RNASEH2B: variants seen among roughly 807,000 people sequenced by gnomAD.
The protein encoded by RNASEH2B is Aicardi-Goutieres syndrome 2 protein.
Under a neutral mutation model 45.0 loss-of-function variants are expected in RNASEH2B, and 36 were observed. That is an observed-to-expected ratio of 0.80 (90% CI 0.61 to 1.06). The LOEUF (loss-of-function observed/expected upper bound fraction) is 1.06. RNASEH2B is among the 50% of genes least tolerant of loss of function. The pLI is 0.00. For synonymous variants in RNASEH2B, 119 were observed against 125.7 expected, an observed-to-expected ratio of 0.95 and a Z score of 0.35; for missense variants, 361 against 360.3, an observed-to-expected ratio of 1.00 and a Z score of -0.02.
At chr13:50,960,791 G>T (rs1450549254), downstream of RNASEH2B, among the ~76,000 whole-genome samples, 1 of 152,146 alleles carries the variant, frequency 6.6e-6, no homozygotes, top group African/African-American at 2.4e-5. Flanking sequence ...GTTAGAATTA[G>T]GCTAGCTTTC....
intron 1 of RNASEH2B, among the ~76,000 whole-genome samples, chr13:50,925,605 T>G (rs1951584504): frequency 6.6e-6 from 1 of 152,232 alleles, no homozygotes; most frequent in Non-Finnish European, 1.5e-5. Context: ...GTACTATGCC[T>G]AAAGCTCCAT....
At chr13:50,929,648 G>C in intron 3 of RNASEH2B, 66 bp downstream of exon 3, 1 of 1,003,474 alleles carries the variant, frequency 1.0e-6, no homozygotes. Context: ...TTCTTCACAC[G>C]TGGGGTTGTG....
chr13:50,932,746 ACT>A (rs1951696025), intron 4 of RNASEH2B, among the ~76,000 whole-genome samples: 2 of 152,090 alleles, frequency 1.3e-5, no homozygotes, highest in East Asian at 3.9e-4. Context: ...GTTTTTTTGG[ACT>A]CTCATGTTTG....
intron 1 of RNASEH2B, chr13:50,927,204 A>C: frequency 4.1e-6 from 2 of 488,776 alleles, no homozygotes; most frequent in Non-Finnish European, 7.5e-6. Context: ...TCCTCATAGC[A>C]ATACATTTAA....
At position 50,945,855 on chromosome 13, in the gene RNASEH2B, G is replaced by T. The variant is rs113176383; in HGVS notation, c.616+323G>T. Among the ~76,000 whole-genome samples the T allele has an allele frequency of 2.8e-3, 428 of 152,250 alleles. 4 individuals carry two copies. The highest frequency in any genetic ancestry group is 9.1e-3 in the African/African-American group (376 of 41,546). ...TGCTAAGTTGCCACTATACAAACATGATCTCATCCAACCCTCCCAGTAAAT... is the reference window on the plus strand; with the variant it reads ...TGCTAAGTTGCCACTATACAAACATTATCTCATCCAACCCTCCCAGTAAAT... On this transcript the variant is annotated intron_variant, in intron 7 of 10. Coordinates refer to ENST00000336617, the MANE Select transcript of RNASEH2B (RefSeq NM_024570.4).
At chr13:50,930,592 C>A (rs1288928142) in intron 3 of RNASEH2B, 91 bp from the exon 4 acceptor site, 1 of 933,680 alleles carries the variant, frequency 1.1e-6, no homozygotes, top group East Asian at 2.4e-5. Context: ...ATATATTTTT[C>A]AACACTGTTT....
rs1951948966 is a variant in RNASEH2B, at chr13:50,949,448, T to TTTTAAC, written c.699-11_699-6dup. On this transcript the variant is annotated splice_polypyrimidine_tract_variant and intron_variant, in intron 8 of 10. Coordinates refer to ENST00000336617, the MANE Select transcript of RNASEH2B (RefSeq NM_024570.4). ...GAAAAACGATGACTTTGATTGTTAT[T>TTTTAAC]TTTAACTTTCTTAGGCTTCCAGAAC... 2 of 1,612,822 alleles carry TTTTAAC rather than the reference T, an allele frequency of 1.2e-6. No individual in the cohort carries two copies. The highest frequency in any genetic ancestry group is 2.2e-5 in the East Asian group (1 of 44,828).
chr13:50,959,941 G>A (rs1315450526), downstream of RNASEH2B: 2 of 315,218 alleles, frequency 6.3e-6, no homozygotes, highest in Non-Finnish European at 1.1e-5. Context: ...TTTGTTAGAT[G>A]CATAACTTAC....
At chr13:50,924,264 C>G (rs1951560976) in intron 1 of RNASEH2B, among the ~76,000 whole-genome samples, 2 of 151,966 alleles carry the variant, frequency 1.3e-5, no homozygotes, top group Admixed American at 1.3e-4. Context: ...AACTCCTGAC[C>G]CAATTATATC....
intron 1 of RNASEH2B, chr13:50,912,880 A>G (rs1033650965): frequency 1.3e-5 from 2 of 152,236 alleles, no homozygotes; most frequent in African/African-American, 4.8e-5. Flanking sequence ...TAACCTTGCA[A>G]TGATACTTTT....
chr13:50,939,480 A>G (rs1371098577), intron 5 of RNASEH2B, among the ~76,000 whole-genome samples: 1 of 152,208 alleles, frequency 6.6e-6, no homozygotes, highest in Non-Finnish European at 1.5e-5. Flanking sequence ...TGATCACACA[A>G]TTGCACTCCA....
At chr13:50,919,386 T>C (rs917510518) in intron 1 of RNASEH2B, among the ~76,000 whole-genome samples, 11 of 152,322 alleles carry the variant, frequency 7.2e-5, no homozygotes, top group Non-Finnish European at 1.5e-4. Context: ...AGCATTATAA[T>C]GTCACAGATA....
At chr13:50,922,957 T>C (rs1402084394) in intron 1 of RNASEH2B, among the ~76,000 whole-genome samples, 1 of 152,132 alleles carries the variant, frequency 6.6e-6, no homozygotes, top group East Asian at 1.9e-4. Flanking sequence ...GACAATGAAG[T>C]TTCACCAGAT....
chr13:50,915,746 G>A (rs1467151609), intron 1 of RNASEH2B, among the ~76,000 whole-genome samples: 1 of 152,196 alleles, frequency 6.6e-6, no homozygotes, highest in African/African-American at 2.4e-5. Flanking sequence ...AAGGATGACT[G>A]TTTGCTAAAG....
At chr13:50,924,700 G>A (rs772284275) in intron 1 of RNASEH2B, among the ~76,000 whole-genome samples, 2 of 151,956 alleles carry the variant, frequency 1.3e-5, no homozygotes, top group Admixed American at 6.6e-5. Context: ...CTGGGACTAC[G>A]GGCACATGCC....
intron 1 of RNASEH2B, among the ~76,000 whole-genome samples, chr13:50,923,911 G>T (rs1951556122): frequency 1.3e-5 from 2 of 152,138 alleles, no homozygotes; most frequent in South Asian, 4.1e-4. Flanking sequence ...GAGAGGAAAA[G>T]GAATATGTGC....
At chr13:50,913,486 T>C (rs1879548449) in intron 1 of RNASEH2B, among the ~76,000 whole-genome samples, 2 of 151,038 alleles carry the variant, frequency 1.3e-5, no homozygotes, top group South Asian at 4.2e-4. Context: ...ACATTGTGTA[T>C]TGAAAAAAAA....
rs886050292 is a variant in RNASEH2B at position 50,956,633 on chromosome 13, A to G, written c.*159A>G. The G allele has an allele frequency of 2.1e-6, 3 of 1,432,460 alleles. No homozygotes were observed. In the East Asian group the frequency reaches 8.5e-5, roughly 41 times the overall value. 88.7% of individuals were successfully genotyped at this position (1,432,460 alleles called of 1,614,324 possible). On this transcript the variant is annotated 3_prime_UTR_variant, in exon 11 of 11. Coordinates refer to ENST00000336617, the MANE Select transcript of RNASEH2B (RefSeq NM_024570.4). ...ATTTGGTTTTTGTGTTCCTGAACAA[A>G]ATATGGGAAAGTGTCTAACTTCATG...
In RNASEH2B at chr13:50,945,407, C is replaced by G. The variant is rs201525817; in HGVS notation, c.511-20C>G. The G allele has an allele frequency of 1.9e-6, 3 of 1,539,904 alleles. No individual in the cohort carries two copies. The highest frequency in any genetic ancestry group is 2.7e-5 in the African/African-American group (2 of 73,506). ...TTAAGTTGAAAATACCCTGCCTTTC[C>G]CCTCTTGGTTGCTTCATAGGTTAAT... On this transcript the variant is annotated intron_variant, in intron 6 of 10. Transcript: ENST00000336617.
Sources: allele counts gnomAD v4.1 joint callset (sites outside exome capture counted in the v4.1 genomes callset), GRCh38; gene constraint gnomAD v4.1.1; transcripts MANE v1.5; gene names NCBI Gene and HGNC (gene_info 2026-07-23, HGNC 2026-07-21).